AKR1B1: variants seen among roughly 807,000 people sequenced by gnomAD.
AKR1B1 encodes aldo-keto reductase family 1 member B1.
In AKR1B1, 22 loss-of-function variants were observed where a neutral mutation model predicts 40.4. That is an observed-to-expected ratio of 0.54 (90% CI 0.39 to 0.78). The LOEUF is 0.78. Ranked by LOEUF, AKR1B1 falls within the 30% of genes least tolerant of loss-of-function variation. The pLI is 0.00. For missense variants in AKR1B1, 357 were observed against 396.7 expected (o/e 0.90, Z 0.85); for synonymous variants, 157 against 149.9 (o/e 1.05, Z -0.35).
At position 134,442,787 on chromosome 7, in the gene AKR1B1, G is replaced by A. The variant is rs777525567; in HGVS notation, c.909-17C>T. ...GAGGTACAGCTGTCAGGAGAAAGGA[G>A]AAAACAGTTGCTTTTTGAAGAGGTG... On this transcript the variant is annotated splice_polypyrimidine_tract_variant and intron_variant, in intron 9 of 9. Coordinates refer to ENST00000285930, the MANE Select transcript of AKR1B1 (RefSeq NM_001628.4). 1.2e-6 allele frequency: 2 copies of A among 1,613,688 alleles called. No homozygotes were observed. The highest frequency in any genetic ancestry group is 1.7e-6 in the Non-Finnish European group (2 of 1,179,650).
chr7:134,442,771 C>G lies in AKR1B1; in HGVS notation c.909-1G>C. ...GGGGTAATCCTTGTGGGAGGTACAG[C>G]TGTCAGGAGAAAGGAGAAAACAGTT... On this transcript the variant is annotated splice_acceptor_variant, in intron 9 of 9. Transcript: ENST00000285930. LOFTEE classifies it high-confidence loss of function. 1 of 1,614,080 alleles carries G rather than the reference C, an allele frequency of 6.2e-7. No individual in the cohort carries two copies. The highest frequency in any genetic ancestry group is 1.3e-5 in the African/African-American group (1 of 75,064).
At chr7:134,446,537 T>A (rs1806100877) in intron 8 of AKR1B1, among the ~76,000 whole-genome samples, 1 of 152,126 alleles carries the variant, frequency 6.6e-6, no homozygotes, top group Non-Finnish European at 1.5e-5. Flanking sequence ...GAACAGAGGC[T>A]CTTGGGCCAT....
At position 134,450,843 on chromosome 7, in the gene AKR1B1, G is replaced by C. The variant is rs116793843; in HGVS notation, c.294C>G (p.Ser98Arg). ...LVKGACQKTL[S>R]DLKLDYLDLY... ...GGTCCAGGTAGTCCAGCTTCAGGTCGCTGAGTGTCTTCTGGCAGGCTCCTT... is the reference window on the plus strand; with the variant it reads ...GGTCCAGGTAGTCCAGCTTCAGGTCCCTGAGTGTCTTCTGGCAGGCTCCTT... The change falls in exon 3 of 10, where the codon AGC (serine) becomes AGG (arginine). Residue 98 changes from serine to arginine, a missense_variant. Ser to Arg is a moderately radical substitution (Grantham distance 110). Transcript: ENST00000285930. 1.9e-6 allele frequency: 3 copies of C among 1,614,170 alleles called. No homozygotes were observed. The South Asian group carries it at 3.3e-5, about 18-fold the overall frequency.
At chr7:134,445,554 T>G (rs1806067515) in intron 8 of AKR1B1, among the ~76,000 whole-genome samples, 1 of 152,224 alleles carries the variant, frequency 6.6e-6, no homozygotes, top group South Asian at 2.1e-4. Flanking sequence ...AATGATACAT[T>G]TTATTTCATT....
In AKR1B1 at chr7:134,450,922, CAT is replaced by C. The variant is rs750704319; in HGVS notation, c.235-22_235-21del. On this transcript the variant is annotated intron_variant, in intron 2 of 9. Transcript: ENST00000285930. ...CCACAGCTAAGCCAGCGAGAGGGCA[CAT>C]GTCATCATTGCCAGCCACAAGGCAG... The C allele has an allele frequency of 4.0e-4, 636 of 1,594,268 alleles. 7 individuals are homozygous for C. The highest frequency in any genetic ancestry group is 1.2e-3 in the Middle Eastern group (7 of 6,042).
chr7:134,444,814 C>G, intron 9 of AKR1B1: 1 of 295,474 alleles, frequency 3.4e-6, no homozygotes, highest in Non-Finnish European at 6.6e-6. Context: ...CAGGTCAGAG[C>G]CGGGACTGTC....
chr7:134,448,291 C>G (rs1316059057), intron 6 of AKR1B1, 96 bp downstream of exon 6: 7 of 1,186,194 alleles, frequency 5.9e-6, no homozygotes, highest in South Asian at 2.6e-5. Context: ...TTGCAGATCA[C>G]CCCCAGAAAC....
chr7:134,451,895 T>C (rs1806300213), intron 1 of AKR1B1, 142 bp from the exon 2 acceptor site: 1 of 856,422 alleles, frequency 1.2e-6, no homozygotes, highest in Non-Finnish European at 1.9e-6. Context: ...CTCAGCAGCA[T>C]TCTGGACTAT....
At chr7:134,444,718 G>GA (rs1806046344) in intron 9 of AKR1B1, 1 of 181,056 alleles carries the variant, frequency 5.5e-6, no homozygotes, top group Admixed American at 5.3e-5. Flanking sequence ...CCATGCAGAG[G>GA]AAACAGAACC....
chr7:134,445,836 G>C (rs1387065081), intron 8 of AKR1B1, among the ~76,000 whole-genome samples: 4 of 152,226 alleles, frequency 2.6e-5, no homozygotes, highest in Non-Finnish European at 5.9e-5. Context: ...ATAAGATTTT[G>C]ACAGAGAGGG....
Position 134,451,688 on chromosome 7 carries a change from G to A in AKR1B1, c.132C>T (p.Asp44=). The change falls in exon 2 of 10, where the codon GAC becomes GAT. Residue 44 remains aspartate, a synonymous_variant. Coordinates refer to ENST00000285930, the MANE Select transcript of AKR1B1 (RefSeq NM_001628.4). ...TCTCATTCTGGTACACATGGGCACA[G>A]TCGATGTGGCGGTACCCGACGTCAA... is the stretch of plus-strand genomic sequence containing the variant. The part of the protein sequence containing the change: ...VAIDVGYRHI[D]CAHVYQNENE... 1 of 1,614,196 alleles carries A rather than the reference G, an allele frequency of 6.2e-7. No homozygotes were observed. The highest frequency in any genetic ancestry group is 8.5e-7 in the Non-Finnish European group (1 of 1,180,040).
At position 134,449,397 on chromosome 7, in the gene AKR1B1, T is replaced by C. The variant is rs112894870; in HGVS notation, c.430-278A>G. 2.6e-3 allele frequency: 1,442 copies of C among 563,120 alleles called. 7 individuals carry two copies. The highest frequency in any genetic ancestry group is 0.015 in the African/African-American group (776 of 52,994). 34.9% of individuals were successfully genotyped at this position (563,120 alleles called of 1,614,324 possible). A position where few individuals can be genotyped will look rare whatever the true frequency, so the allele number is the denominator to read the frequency against. ...GTCAGGAGATCAAGACCATCCTGGC[T>C]AACACGGTGAAACCCCGTCTCTACT... is the stretch of plus-strand genomic sequence containing the variant. On this transcript the variant is annotated intron_variant, in intron 4 of 9. Transcript: ENST00000285930.
At chr7:134,453,413 G>A (rs1438969953) in intron 1 of AKR1B1, among the ~76,000 whole-genome samples, 1 of 152,182 alleles carries the variant, frequency 6.6e-6, no homozygotes, top group Non-Finnish European at 1.5e-5. Flanking sequence ...TCAGCCTGGA[G>A]CTGCTGCAGG....
At chr7:134,447,688 G>A (rs1366704972) in intron 7 of AKR1B1, 2 of 610,076 alleles carry the variant, frequency 3.3e-6, no homozygotes, top group South Asian at 1.9e-5. Context: ...AACATTCCCT[G>A]CACGGCTAAG....
chr7:134,455,695 T>C (rs1203335451), intron 1 of AKR1B1, among the ~76,000 whole-genome samples: 1 of 152,102 alleles, frequency 6.6e-6, no homozygotes, highest in Non-Finnish European at 1.5e-5. Flanking sequence ...GTGATTCTCC[T>C]GCCTCAGCCT....
chr7:134,447,216 G>T, intron 8 of AKR1B1, 82 bp downstream of exon 8: 1 of 1,250,598 alleles, frequency 8.0e-7, no homozygotes. Context: ...TCCCACAGAT[G>T]ACACTCCAGA....
Position 134,451,626 on chromosome 7 carries a change from T to A in AKR1B1, c.194A>T (p.Glu65Val). Residue 65 changes from glutamate to valine, a missense_variant, in exon 2 of 10, where the codon GAG becomes GTG. Transcript: ENST00000285930. ...GAGCTCCTCACGCTTCACCACCTGC[T>A]CCCTGAGCTTCTCCTGAATGGCCAC... ...VGVAIQEKLR[E>V]QVVKREELFI... The A allele has an allele frequency of 6.2e-7, 1 of 1,614,124 alleles. No homozygotes were observed. The highest frequency in any genetic ancestry group is 1.1e-5 in the South Asian group (1 of 91,078).
At chr7:134,449,460 A>C (rs2852168) in intron 4 of AKR1B1, 1 of 571,398 alleles carries the variant, frequency 1.8e-6, no homozygotes, top group Non-Finnish European at 3.1e-6. Flanking sequence ...GGTGGCGGGC[A>C]CCTGTAGTCC....
Position 134,448,441 on chromosome 7 carries a change from G to C in AKR1B1, c.605C>G (p.Ser202Cys), listed in dbSNP as rs946646731. The C allele has an allele frequency of 2.5e-5, 41 of 1,613,912 alleles. No homozygotes were observed. Among genetic ancestry groups the C allele is most frequent in the Non-Finnish European group, 3.4e-5 (40 of 1,179,936 alleles). Residue 202 changes from serine to cysteine, a missense_variant, in exon 6 of 10, where the codon TCC becomes TGC. By Grantham distance (112) the Ser-to-Cys change is moderately radical. Coordinates refer to ENST00000285930, the MANE Select transcript of AKR1B1 (RefSeq NM_001628.4). ...GTAGGCGGTCACCACGATGCCTTTGGACTGGCAGTACTGGATTAACTTCTC... is the reference window on the plus strand; with the variant it reads ...GTAGGCGGTCACCACGATGCCTTTGCACTGGCAGTACTGGATTAACTTCTC... ...TQEKLIQYCQ[S>C]KGIVVTAYSP...
Sources: gnomAD v4.1 joint callset for allele counts (sites outside exome capture counted in the v4.1 genomes callset) on GRCh38, gnomAD v4.1.1 for gene constraint, MANE v1.5 for transcripts, NCBI Gene and HGNC (gene_info 2026-07-23, HGNC 2026-07-21) for gene names.